The following CFAP299 variants were observed in gnomAD, a reference collection of about 807,000 sequenced individuals.
CFAP299 encodes the protein cilia and flagella associated protein 299.
Under a neutral mutation model 27.0 loss-of-function variants are expected in CFAP299, and 21 were observed. That is an observed-to-expected ratio of 0.78 (90% CI 0.55 to 1.12). The LOEUF is 1.12. Among genes scored for constraint, CFAP299 ranks in the 50% most tolerant of loss-of-function variants. The probability of loss-of-function intolerance (pLI) is 0.00; values close to 1 mark genes in which losing one functional copy is unlikely to be tolerated. For missense variants in CFAP299, 310 were observed against 276.6 expected (o/e 1.12, Z -0.86); for synonymous variants, 104 against 98.1 (o/e 1.06, Z -0.36).
At chr4:80,775,114 C>G (rs1274043462) in intron 3 of CFAP299, among the ~76,000 whole-genome samples, 1 of 150,316 alleles carries the variant, frequency 6.7e-6, no homozygotes, top group African/African-American at 2.4e-5. Context: ...AAACTATTTT[C>G]AAAGAGTAAT....
rs555389888 is a variant in CFAP299 at position 80,692,030 on chromosome 4, C to T, written c.333+108847C>T. Among the ~76,000 whole-genome samples the T allele has an allele frequency of 2.0e-3, 308 of 152,092 alleles. 1 individual carries two copies. Among genetic ancestry groups the T allele is most frequent in the Non-Finnish European group, 3.6e-3 (248 of 67,988 alleles). On this transcript the variant is annotated intron_variant, in intron 3 of 5. Transcript: ENST00000358105. ...TCAAGGAGAACTACAAACCACTGCT[C>T]AAGGAAATAAAAGAGGATACAAACA...
At chr4:80,473,463 TG>T (rs918000704) in intron 2 of CFAP299, among the ~76,000 whole-genome samples, 62 of 152,244 alleles carry the variant, frequency 4.1e-4, no homozygotes, top group African/African-American at 1.5e-3. Context: ...AAAAATCTAA[TG>T]TGTAAATTTT....
intron 2 of CFAP299, among the ~76,000 whole-genome samples, chr4:80,369,875 C>T (rs1724046112): frequency 2.6e-5 from 4 of 152,316 alleles, no homozygotes; most frequent in African/African-American, 9.6e-5. Flanking sequence ...CTGGATAGTG[C>T]ATGCATAATA....
chr4:80,405,035 G>C (rs562292486), intron 2 of CFAP299, among the ~76,000 whole-genome samples: 1 of 152,258 alleles, frequency 6.6e-6, no homozygotes, highest in South Asian at 2.1e-4. Flanking sequence ...ATGTCTCTTA[G>C]TAGAACCTGG....
At chr4:80,569,078 G>A (rs1246607249) in intron 2 of CFAP299, among the ~76,000 whole-genome samples, 3 of 152,044 alleles carry the variant, frequency 2.0e-5, no homozygotes, top group African/African-American at 7.2e-5. Flanking sequence ...GTCTCCTCAG[G>A]CTTGAGGGTG....
chr4:80,589,547 G>T (rs1736616836), intron 3 of CFAP299, among the ~76,000 whole-genome samples: 1 of 152,018 alleles, frequency 6.6e-6, no homozygotes, highest in South Asian at 2.1e-4. Context: ...ACATATATAT[G>T]TAATACATAA....
chr4:80,925,301 A>G (rs2110214056), intron 4 of CFAP299, among the ~76,000 whole-genome samples: 1 of 151,990 alleles, frequency 6.6e-6, no homozygotes, highest in South Asian at 2.1e-4. Context: ...TTAATTTCCA[A>G]TGTGTGTCAA....
At chr4:80,420,304 G>A in intron 2 of CFAP299, 1 of 438,946 alleles carries the variant, frequency 2.3e-6, no homozygotes, top group South Asian at 1.6e-5. Flanking sequence ...CTCTACAGAT[G>A]CAAATCTCTC....
At chr4:80,521,906 T>C (rs1319469282) in intron 2 of CFAP299, among the ~76,000 whole-genome samples, 1 of 152,058 alleles carries the variant, frequency 6.6e-6, no homozygotes, top group Non-Finnish European at 1.5e-5. Flanking sequence ...TCTTGGCTGT[T>C]GTGATGATGC....
At chr4:80,822,504 AAATATTCAGTAC>A (rs1421578465) in intron 3 of CFAP299, among the ~76,000 whole-genome samples, 1 of 152,194 alleles carries the variant, frequency 6.6e-6, no homozygotes, top group African/African-American at 2.4e-5. Flanking sequence ...TCAGTATTTA[AAATATTCAGTAC>A]ATTCAATGTT....
chr4:80,917,994 C>A (rs1187311809), intron 4 of CFAP299, among the ~76,000 whole-genome samples: 2 of 152,116 alleles, frequency 1.3e-5, no homozygotes, highest in East Asian at 3.9e-4. Flanking sequence ...AGATTAGTGG[C>A]ATATTTAGAA....
intron 4 of CFAP299, among the ~76,000 whole-genome samples, chr4:80,910,829 C>A (rs892312945): frequency 3.9e-5 from 6 of 152,000 alleles, no homozygotes; most frequent in Admixed American, 1.3e-4. Flanking sequence ...AAATTATTGT[C>A]ATCACTGACT....
intron 3 of CFAP299, among the ~76,000 whole-genome samples, chr4:80,825,228 AG>A (rs1323286394): frequency 1.3e-5 from 2 of 151,836 alleles, no homozygotes; most frequent in Non-Finnish European, 2.9e-5. Flanking sequence ...TCCGAGGAAA[AG>A]AAAAAAAATG....
In CFAP299 at chr4:80,763,314, ACAAT is replaced by A. The variant is rs1255505729; in HGVS notation, c.334-106676_334-106673del. Among the ~76,000 whole-genome samples the A allele has an allele frequency of 4.6e-5, 7 of 152,182 alleles. 1 individual carries two copies. The highest frequency in any genetic ancestry group is 1.3e-4 in the Admixed American group (2 of 15,280). The stretch of plus-strand genomic sequence containing the variant: ...AAGCATTCCTATACACCAATAATAG[ACAAT>A]CAGAGAGCCAAATCATGAGTGAACT... On this transcript the variant is annotated intron_variant, in intron 3 of 5. Transcript: ENST00000358105.
chr4:80,625,055 C>A, intron 3 of CFAP299, among the ~76,000 whole-genome samples: 1 of 152,030 alleles, frequency 6.6e-6, no homozygotes, highest in East Asian at 1.9e-4. Flanking sequence ...AAGTATAAAA[C>A]TCACTGGTAA....
intron 3 of CFAP299, among the ~76,000 whole-genome samples, chr4:80,785,632 A>C (rs1202145953): frequency 6.6e-6 from 1 of 152,188 alleles, no homozygotes; most frequent in Non-Finnish European, 1.5e-5. Context: ...CTTTTGGCTA[A>C]GATCAGGTTC....
intron 2 of CFAP299, among the ~76,000 whole-genome samples, chr4:80,563,269 C>A (rs1489619859): frequency 6.6e-6 from 1 of 152,070 alleles, no homozygotes; most frequent in Non-Finnish European, 1.5e-5. Context: ...GCACATGGAT[C>A]ATTTCCAAGG....
intron 4 of CFAP299, among the ~76,000 whole-genome samples, chr4:80,930,487 C>T (rs1736562177): frequency 6.6e-6 from 1 of 152,148 alleles, no homozygotes; most frequent in Non-Finnish European, 1.5e-5. Flanking sequence ...GTGGGCGGAG[C>T]GGTCTTGAGG....
intron 3 of CFAP299, among the ~76,000 whole-genome samples, chr4:80,752,798 C>G (rs1334868083): frequency 6.6e-6 from 1 of 151,850 alleles, no homozygotes; most frequent in African/African-American, 2.4e-5. Context: ...CCCTTTAAAT[C>G]TATTCTATTG....
Sources: allele counts gnomAD v4.1 joint callset (sites outside exome capture counted in the v4.1 genomes callset), GRCh38; gene constraint gnomAD v4.1.1; transcripts MANE v1.5; gene names NCBI Gene and HGNC (gene_info 2026-07-23, HGNC 2026-07-21).